DCAF12: variants seen among roughly 807,000 people sequenced by gnomAD.
The protein encoded by DCAF12 is DDB1- and CUL4-associated factor 12.
DCAF12 carries 28 observed loss-of-function variants against 52.8 expected under a neutral mutation model. That is an observed-to-expected ratio of 0.53 (90% CI 0.39 to 0.73). The LOEUF (loss-of-function observed/expected upper bound fraction) is 0.73. Ranked by LOEUF, DCAF12 falls within the 30% of genes least tolerant of loss-of-function variation. The pLI is 0.00. For missense variants in DCAF12, 425 were observed against 552.2 expected (o/e 0.77, Z 2.31); for synonymous variants, 196 against 215.5 (o/e 0.91, Z 0.79).
At chr9:34,108,804 A>AAAAAAAAAAT (rs1410904584) in intron 2 of DCAF12, among the ~76,000 whole-genome samples, 4 of 117,980 alleles carry the variant, frequency 3.4e-5, no homozygotes, top group Admixed American at 8.5e-5. Flanking sequence ...AAAAAAAATA[A>AAAAAAAAAAT]ATAAATAAAT....
At chr9:34,105,312 A>G (rs116497065) in intron 4 of DCAF12, among the ~76,000 whole-genome samples, 46,330 of 151,676 alleles carry the variant, frequency 0.31, 7,531 homozygotes, top group Non-Finnish European at 0.36. Context: ...TATAATCTAA[A>G]CACTTTGGGA....
chr9:34,100,809 T>A (rs1012910013), intron 4 of DCAF12, among the ~76,000 whole-genome samples: 6 of 133,726 alleles, frequency 4.5e-5, no homozygotes, highest in South Asian at 2.4e-4. Context: ...CTTATTTTTT[T>A]AATTTTTTTT....
At chr9:34,110,493 C>T (rs1164465527) in intron 2 of DCAF12, among the ~76,000 whole-genome samples, 2 of 152,174 alleles carry the variant, frequency 1.3e-5, no homozygotes, top group African/African-American at 4.8e-5. Context: ...CTATTATAAG[C>T]AGAGTCAACT....
At chr9:34,106,638 A>T in intron 3 of DCAF12, 144 bp from the exon 4 acceptor site, 1 of 632,268 alleles carries the variant, frequency 1.6e-6, no homozygotes, top group South Asian at 2.0e-5. Context: ...GGTGGTCTCA[A>T]CCCACAGAGA....
At chr9:34,119,096 C>T (rs1009875546) in intron 2 of DCAF12, among the ~76,000 whole-genome samples, 2 of 152,166 alleles carry the variant, frequency 1.3e-5, no homozygotes, top group Non-Finnish European at 2.9e-5. Context: ...GAGCCCTCAC[C>T]AGGGGCTATT....
At chr9:34,099,495 G>A (rs1828792969) in intron 4 of DCAF12, among the ~76,000 whole-genome samples, 1 of 152,034 alleles carries the variant, frequency 6.6e-6, no homozygotes, top group Non-Finnish European at 1.5e-5. Flanking sequence ...GCCTCTCAAC[G>A]TTCTGGGATT....
chr9:34,102,445 G>C (rs942398771), intron 4 of DCAF12, among the ~76,000 whole-genome samples: 1 of 151,352 alleles, frequency 6.6e-6, no homozygotes, highest in Non-Finnish European at 1.5e-5. Context: ...GGCAGATAAC[G>C]AGGTCAGGAG....
chr9:34,125,129 G>C lies in DCAF12; in HGVS notation c.227C>G (p.Pro76Arg). The C allele has an allele frequency of 6.2e-7, 1 of 1,614,114 alleles. No homozygotes were observed. The highest frequency in any genetic ancestry group is 8.5e-7 in the Non-Finnish European group (1 of 1,180,022). Reference sequence around the variant, plus strand: ...AAACTCTCTCTCCTTCAGGAGACTGGGAAGTTGCTGTGCTGCATAACCATG... The same window carrying C: ...AAACTCTCTCTCCTTCAGGAGACTGCGAAGTTGCTGTGCTGCATAACCATG... ...VLHGYAAQQL[P>R]SLLKEREFHL... Residue 76 changes from proline (P) to arginine (R), a missense_variant, in exon 2 of 9, where the codon CCC becomes CGC. This residue lies in a region of DCAF12 where 328 missense variants were observed against 444.4 expected (regional missense o/e 0.74). Transcript: ENST00000361264.
chr9:34,125,408 G>A, intron 1 of DCAF12, 131 bp from the exon 2 acceptor site: 1 of 1,074,256 alleles, frequency 9.3e-7, no homozygotes, highest in South Asian at 1.6e-5. Flanking sequence ...AAACACAAGA[G>A]AACAAGAATC....
At chr9:34,104,697 A>G (rs773292443) in intron 4 of DCAF12, among the ~76,000 whole-genome samples, 7 of 151,446 alleles carry the variant, frequency 4.6e-5, no homozygotes, top group Non-Finnish European at 7.4e-5. Flanking sequence ...AGGTGGATCA[A>G]CTGAGGTCCT....
Position 34,098,353 on chromosome 9 carries a change from G to A in DCAF12, c.766C>T (p.Arg256Trp), listed in dbSNP as rs1389127939. 6.2e-7 allele frequency: 1 copy of A among 1,614,184 alleles called. No individual in the cohort carries two copies. Among genetic ancestry groups the A allele is most frequent in the Non-Finnish European group, 8.5e-7 (1 of 1,180,020 alleles). ...TTCTTGTTGTTGAAGGCCAGAGCCC[G>A]AACCTTGCAGTTGTCAGGGTTTGTG... ...EDTNPDNCKVRALAFNNKNKE... is the reference protein window; with the variant it reads ...EDTNPDNCKVWALAFNNKNKE... Residue 256 changes from arginine (R) to tryptophan (W), a missense_variant, in exon 5 of 9, where the codon CGG becomes TGG. Coordinates refer to ENST00000361264, the MANE Select transcript of DCAF12 (RefSeq NM_015397.4).
rs560494899 is a variant in DCAF12, at chr9:34,098,975, G to A, written c.602-458C>T. 2.0e-5 allele frequency among the ~76,000 whole-genome samples: 3 copies of A among 151,276 alleles called. No individual in the cohort carries two copies. In the South Asian group the frequency reaches 6.3e-4, roughly 32 times the overall value. ...AGTAGAGACGGGGTTTTACCATGTTGCCCAAGCTGGTCTTGAACTCCTGAG... is the reference window on the plus strand; with the variant it reads ...AGTAGAGACGGGGTTTTACCATGTTACCCAAGCTGGTCTTGAACTCCTGAG... On this transcript the variant is annotated intron_variant, in intron 4 of 8. Transcript: ENST00000361264.
rs147226171 is a variant in DCAF12, at chr9:34,124,479, G to A, written c.333+544C>T. On this transcript the variant is annotated intron_variant, in intron 2 of 8. Coordinates refer to ENST00000361264, the MANE Select transcript of DCAF12 (RefSeq NM_015397.4). ...TCTTAAAAAGGCTACTTTCCAAAGA[G>A]CTAATGCTTATACCCTGAAATATAC... 4.5e-3 allele frequency among the ~76,000 whole-genome samples: 684 copies of A among 152,246 alleles called. 24 individuals are homozygous for A. Among genetic ancestry groups the A allele is most frequent in the Admixed American group, 0.04 (606 of 15,274 alleles).
At chr9:34,110,468 G>A (rs535528616) in intron 2 of DCAF12, among the ~76,000 whole-genome samples, 7 of 152,086 alleles carry the variant, frequency 4.6e-5, no homozygotes, top group South Asian at 4.2e-4. Context: ...AGGCAACACC[G>A]CTATCAAAAT....
intron 4 of DCAF12, among the ~76,000 whole-genome samples, chr9:34,099,152 C>T (rs535956620): frequency 7.2e-5 from 11 of 152,158 alleles, no homozygotes; most frequent in South Asian, 6.2e-4. Context: ...ACTGCAACCT[C>T]GGCCTCCTGG....
chr9:34,123,995 A>T (rs1829211153), intron 2 of DCAF12, among the ~76,000 whole-genome samples: 2 of 152,212 alleles, frequency 1.3e-5, no homozygotes, highest in Non-Finnish European at 2.9e-5. Context: ...TCCTTCCTCA[A>T]AACTGTTTAA....
chr9:34,122,725 G>A (rs1238284911), intron 2 of DCAF12, among the ~76,000 whole-genome samples: 2 of 152,118 alleles, frequency 1.3e-5, no homozygotes, highest in Non-Finnish European at 2.9e-5. Flanking sequence ...TGATCCGCCC[G>A]CCTTGGCCTT....
intron 2 of DCAF12, among the ~76,000 whole-genome samples, chr9:34,111,594 A>G (rs2131438074): frequency 6.6e-6 from 1 of 152,312 alleles, no homozygotes; most frequent in South Asian, 2.1e-4. Context: ...GGCCTGCCCA[A>G]CTACTGTAGT....
intron 2 of DCAF12, 56 bp from the exon 3 acceptor site, chr9:34,107,621 G>GAACAAAA (rs1828925468): frequency 6.9e-7 from 1 of 1,440,284 alleles, no homozygotes; most frequent in African/African-American, 1.4e-5. Context: ...GCCAATACAG[G>GAACAAAA]GTATAAACAT....
Sources: gnomAD v4.1 joint callset for allele counts (sites outside exome capture counted in the v4.1 genomes callset) on GRCh38, gnomAD v4.1.1 for gene constraint, gnomAD v4.1.1 regional missense constraint, MANE v1.5 for transcripts, NCBI Gene and HGNC (gene_info 2026-07-23, HGNC 2026-07-21) for gene names.